Variants in IFNGR2 observed in about 807,000 individuals in gnomAD.
IFNGR2 encodes interferon gamma receptor 2.
A neutral mutation model predicts 41.1 loss-of-function variants in IFNGR2; 15 were observed. That is an observed-to-expected ratio of 0.37 (90% CI 0.24 to 0.56). The LOEUF is 0.56. Ranked by LOEUF, IFNGR2 falls within the 20% of genes least tolerant of loss-of-function variation. IFNGR2 has a pLI of 0.81. For synonymous variants in IFNGR2, 161 were observed against 171.6 expected (o/e 0.94, Z 0.48); for missense variants, 362 against 415.7 (o/e 0.87, Z 1.12).
intron 1 of IFNGR2, chr21:33,411,469 G>T (rs998887410): frequency 2.1e-6 from 1 of 470,862 alleles, no homozygotes; most frequent in East Asian, 6.9e-5. Flanking sequence ...GAACAGGCGT[G>T]TGGAGGGCGG....
rs779726696 is a variant in IFNGR2, at chr21:33,421,469, T to C, written c.207-11T>C. 3.7e-6 allele frequency: 6 copies of C among 1,610,710 alleles called. No homozygotes were observed. In the Admixed American group the frequency reaches 8.3e-5, roughly 22 times the overall value. ...GAATTCTGTGAATTGAAATCCTTTTTTCCTTCCCAGCACCGACAGTAAATG... is the reference window on the plus strand; with the variant it reads ...GAATTCTGTGAATTGAAATCCTTTTCTCCTTCCCAGCACCGACAGTAAATG... On this transcript the variant is annotated splice_polypyrimidine_tract_variant and intron_variant, in intron 2 of 6. Transcript: ENST00000290219.
chr21:33,413,294 T>C (rs927782448), intron 1 of IFNGR2, among the ~76,000 whole-genome samples: 13 of 152,184 alleles, frequency 8.5e-5, no homozygotes, highest in African/African-American at 3.1e-4. Flanking sequence ...GCCCAGGATG[T>C]CATGAGGCCT....
chr21:33,405,478 T>G (rs1396088064), intron 1 of IFNGR2, among the ~76,000 whole-genome samples: 4 of 152,180 alleles, frequency 2.6e-5, no homozygotes, highest in Admixed American at 2.0e-4. Flanking sequence ...TCCCTAGGCC[T>G]CCTCCTAATG....
chr21:33,422,326 T>C (rs192304966), intron 3 of IFNGR2, among the ~76,000 whole-genome samples: 178 of 152,356 alleles, frequency 1.2e-3, no homozygotes, highest in Non-Finnish European at 2.2e-3. Flanking sequence ...CCATGCCAGA[T>C]GTTTCTTCCG....
chr21:33,421,479 G>T lies in IFNGR2; in HGVS notation c.207-1G>T. On this transcript the variant is annotated splice_acceptor_variant, in intron 2 of 6. Transcript: ENST00000290219. LOFTEE classifies it high-confidence loss of function. ...AATTGAAATCCTTTTTTCCTTCCCAGCACCGACAGTAAATGGTTCACGGCC... is the reference window on the plus strand; with the variant it reads ...AATTGAAATCCTTTTTTCCTTCCCATCACCGACAGTAAATGGTTCACGGCC... The T allele has an allele frequency of 6.2e-7, 1 of 1,612,342 alleles. No homozygotes were observed. Among genetic ancestry groups the T allele is most frequent in the Non-Finnish European group, 8.5e-7 (1 of 1,178,608 alleles).
intron 1 of IFNGR2, among the ~76,000 whole-genome samples, chr21:33,408,930 G>A (rs2083696800): frequency 6.6e-6 from 1 of 152,154 alleles, no homozygotes; most frequent in Non-Finnish European, 1.5e-5. Context: ...TGTAATCCCA[G>A]CACTTTGGGA....
intron 4 of IFNGR2, among the ~76,000 whole-genome samples, chr21:33,431,196 G>A (rs2083883133): frequency 6.6e-6 from 1 of 152,216 alleles, no homozygotes; most frequent in Admixed American, 6.5e-5. Context: ...CTAGAAGCAG[G>A]TTGGGAATGA....
In IFNGR2 at chr21:33,403,566, C is replaced by CGCT. The variant is rs753866192; in HGVS notation, c.36_38dup (p.Leu13dup). On this transcript the variant is annotated inframe_insertion, in exon 1 of 7. Transcript: ENST00000290219. ...GCCATGCGACCGACGCTGCTGTGGT[C>CGCT]GCTGCTGCTGCTGCTCGGAGTCTTC... 2.3e-5 allele frequency: 32 copies of CGCT among 1,367,064 alleles called. No individual in the cohort carries two copies. The highest frequency in any genetic ancestry group is 7.6e-5 in the African/African-American group (5 of 66,010). The allele number at this position is 1,367,064 out of a possible 1,614,324, so 84.7% of individuals were successfully genotyped here. A position where few individuals can be genotyped will look rare whatever the true frequency, so the allele number is the denominator to read the frequency against.
At position 33,437,331 on chromosome 21, in the gene IFNGR2, C is replaced by T; in HGVS notation, c.*369C>T. ...GACCTGGTCGTCGTCTTGACTTTGG[C>T]AAATGAGCCGGAGCCCCTTGGGCAG... On this transcript the variant is annotated 3_prime_UTR_variant, in exon 7 of 7. Coordinates refer to ENST00000290219, the MANE Select transcript of IFNGR2 (RefSeq NM_005534.4). 1 of 255,028 alleles carries T rather than the reference C, an allele frequency of 3.9e-6. No homozygotes were observed. Among genetic ancestry groups the T allele is most frequent in the Non-Finnish European group, 7.7e-6 (1 of 129,118 alleles). 15.8% of individuals were successfully genotyped at this position (255,028 alleles called of 1,614,324 possible).
chr21:33,415,109 G>C, intron 2 of IFNGR2, 89 bp downstream of exon 2: 1 of 1,485,166 alleles, frequency 6.7e-7, no homozygotes, highest in Non-Finnish European at 9.3e-7. Context: ...CTGCCTCTGT[G>C]CAGGGTTTGT....
chr21:33,405,614 A>G (rs1173470294), intron 1 of IFNGR2, among the ~76,000 whole-genome samples: 1 of 152,218 alleles, frequency 6.6e-6, no homozygotes, highest in Non-Finnish European at 1.5e-5. Flanking sequence ...TGAAAGATGT[A>G]TTTAGAAACT....
At position 33,437,126 on chromosome 21, in the gene IFNGR2, C is replaced by CTTT; in HGVS notation, c.*175_*177dup. On this transcript the variant is annotated 3_prime_UTR_variant, in exon 7 of 7. Coordinates refer to ENST00000290219, the MANE Select transcript of IFNGR2 (RefSeq NM_005534.4). ...CAGCAGGTCTCATGGGGGTGACAAG[C>CTTT]TTTTTTTTTTTTTCTTAAAGAATTT... is the stretch of plus-strand genomic sequence containing the variant. 2.0e-5 allele frequency: 10 copies of CTTT among 489,678 alleles called. No homozygotes were observed. The highest frequency in any genetic ancestry group is 3.5e-5 in the East Asian group (1 of 28,740). 30.3% of individuals were successfully genotyped at this position (489,678 alleles called of 1,614,324 possible).
chr21:33,426,187 C>T (rs935503706), intron 3 of IFNGR2, among the ~76,000 whole-genome samples: 9 of 152,122 alleles, frequency 5.9e-5, no homozygotes, highest in African/African-American at 1.9e-4. Flanking sequence ...CCAAGGCAGG[C>T]GGATCACCTG....
intron 1 of IFNGR2, among the ~76,000 whole-genome samples, chr21:33,410,055 C>G (rs187388694): frequency 2.6e-5 from 4 of 151,716 alleles, no homozygotes; most frequent in Non-Finnish European, 5.9e-5. Context: ...TCCTTGCCTT[C>G]GGGGAAGTTT....
At chr21:33,415,361 G>A (rs1314982600) in intron 2 of IFNGR2, among the ~76,000 whole-genome samples, 1 of 152,162 alleles carries the variant, frequency 6.6e-6, no homozygotes, top group Non-Finnish European at 1.5e-5. Context: ...TCATCTTCGG[G>A]CTTAAAAATC....
intron 6 of IFNGR2, 25 bp downstream of exon 6, chr21:33,432,896 T>C: frequency 2.5e-6 from 4 of 1,604,188 alleles, no homozygotes; most frequent in Non-Finnish European, 3.4e-6. Flanking sequence ...ATCTCTTTTT[T>C]TTTTTTTGAG....
rs1431242790 is a variant in IFNGR2 at position 33,421,543 on chromosome 21, A to G, written c.270A>G (p.Thr90=). 2.4e-5 allele frequency: 39 copies of G among 1,614,026 alleles called. 1 individual carries two copies. The highest frequency in any genetic ancestry group is 3.0e-5 in the Non-Finnish European group (35 of 1,180,018). ...TAGGGGTGAATTGTACACAGATCAC[A>G]GCAACAGAGTGTGACTTCACTGCCG... The part of the protein sequence containing the change: ...MSIGVNCTQI[T]ATECDFTAAS... Residue 90 remains threonine, a synonymous_variant, in exon 3 of 7, where the codon ACA becomes ACG. Transcript: ENST00000290219.
intron 4 of IFNGR2, 35 bp from the exon 5 acceptor site, chr21:33,432,142 C>G: frequency 1.2e-6 from 2 of 1,600,068 alleles, no homozygotes; most frequent in Non-Finnish European, 1.7e-6. Context: ...TGGCCATGTT[C>G]ATTTACATGT....
chr21:33,435,681 G>A (rs779883614), intron 6 of IFNGR2, among the ~76,000 whole-genome samples: 1 of 151,540 alleles, frequency 6.6e-6, no homozygotes, highest in Non-Finnish European at 1.5e-5. Flanking sequence ...TCAGGAGATC[G>A]AGACCATCCT....
Sources: allele counts gnomAD v4.1 joint callset (sites outside exome capture counted in the v4.1 genomes callset), GRCh38; gene constraint gnomAD v4.1.1; transcripts MANE v1.5; gene names NCBI Gene and HGNC (gene_info 2026-07-23, HGNC 2026-07-21).